Variants in CUX1 observed in about 807,000 individuals in gnomAD.
CUX1 encodes protein CASP.
A neutral mutation model predicts 158.8 loss-of-function variants in CUX1; 31 were observed. That is an observed-to-expected ratio of 0.20 (90% CI 0.15 to 0.26). CUX1 has a LOEUF of 0.26. Ranked by LOEUF, CUX1 falls within the 10% of genes least tolerant of loss-of-function variation. The pLI, the probability that CUX1 is intolerant of heterozygous loss-of-function variation, is 1.00. For synonymous variants in CUX1, 879 were observed against 862.1 expected (o/e 1.02, Z -0.34); for missense variants, 1,589 against 2,014.6 (o/e 0.79, Z 4.04).
Position 102,249,264 on chromosome 7 carries a change from G to A in CUX1, c.*222G>A, listed in dbSNP as rs1285477220. The A allele has an allele frequency of 6.6e-6, 7 of 1,062,086 alleles. No individual in the cohort carries two copies. Among genetic ancestry groups the A allele is most frequent in the South Asian group, 4.5e-5 (1 of 21,990 alleles). 65.8% of individuals were successfully genotyped at this position (1,062,086 alleles called of 1,614,324 possible). A position where few individuals can be genotyped will look rare whatever the true frequency, so the allele number is the denominator to read the frequency against. On this transcript the variant is annotated 3_prime_UTR_variant, in exon 24 of 24. Coordinates refer to ENST00000292535, the MANE Select transcript of CUX1 (RefSeq NM_181552.4). Reference sequence around the variant, plus strand: ...GCGGCCCAGACCCACTCTGCGGCCCGGGCCGACCCTGCGGCCTCCACCAAC... The same window carrying A: ...GCGGCCCAGACCCACTCTGCGGCCCAGGCCGACCCTGCGGCCTCCACCAAC...
At chr7:101,885,827 C>G (rs565999766) in intron 1 of CUX1, among the ~76,000 whole-genome samples, 3 of 152,356 alleles carry the variant, frequency 2.0e-5, no homozygotes, top group Admixed American at 2.0e-4. Flanking sequence ...TCGTTGCACT[C>G]ACGGAATATT....
chr7:102,103,236 A>G (rs1290386856), intron 5 of CUX1, among the ~76,000 whole-genome samples: 3 of 152,096 alleles, frequency 2.0e-5, no homozygotes, highest in Non-Finnish European at 4.4e-5. Context: ...CACACAGCCC[A>G]TGACCACCAG....
Position 102,252,459 on chromosome 7 carries a change from T to C in CUX1, c.*3417T>C. On this transcript the variant is annotated 3_prime_UTR_variant, in exon 24 of 24. Transcript: ENST00000292535. ...CTCTCCCCTGGGGGAAACGGTTCCATATAAAACACTAACACTTAATTACAA... is the reference window on the plus strand; with the variant it reads ...CTCTCCCCTGGGGGAAACGGTTCCACATAAAACACTAACACTTAATTACAA... The C allele has an allele frequency of 2.0e-6, 2 of 985,446 alleles. No individual in the cohort carries two copies. The highest frequency in any genetic ancestry group is 4.7e-5 in the South Asian group (1 of 21,290). 61.0% of individuals were successfully genotyped at this position (985,446 alleles called of 1,614,324 possible).
Position 102,159,848 on chromosome 7 carries a change from C to CA in CUX1, c.723+1247dup, listed in dbSNP as rs1457163853. The stretch of plus-strand genomic sequence containing the variant: ...GGGCAACAGAGCAGAAACTCCATCT[C>CA]AAAAAAATACAAAATAAAATTTAAA... On this transcript the variant is annotated intron_variant, in intron 9 of 23. Coordinates refer to ENST00000292535, the MANE Select transcript of CUX1 (RefSeq NM_181552.4). 2.0e-5 allele frequency among the ~76,000 whole-genome samples: 3 copies of CA among 151,146 alleles called. No individual in the cohort carries two copies. In the East Asian group the frequency reaches 5.8e-4, roughly 29 times the overall value.
chr7:101,942,478 T>A (rs1807836410), intron 2 of CUX1, among the ~76,000 whole-genome samples: 1 of 152,206 alleles, frequency 6.6e-6, no homozygotes, highest in Non-Finnish European at 1.5e-5. Flanking sequence ...TTTTGTTGAT[T>A]TTGAGACAGG....
chr7:102,002,568 C>T (rs1816807963), intron 2 of CUX1, among the ~76,000 whole-genome samples: 1 of 152,228 alleles, frequency 6.6e-6, no homozygotes, highest in African/African-American at 2.4e-5. Flanking sequence ...CCAGTCCCCT[C>T]CCTGCCCTGG....
chr7:101,928,451 A>C (rs1262366608), intron 2 of CUX1, among the ~76,000 whole-genome samples: 1 of 149,480 alleles, frequency 6.7e-6, no homozygotes. Flanking sequence ...GCTCACTGCA[A>C]CCTCTGCCTC....
At chr7:102,259,756 AAG>A (rs782492179), downstream of CUX1, among the ~76,000 whole-genome samples, 2,589 of 22,544 alleles carry the variant, frequency 0.11, 46 homozygotes, top group Non-Finnish European at 0.19. Context: ...AAAAAAAAAA[AAG>A]AAAGAAAAGA....
At chr7:102,279,704 C>G (rs1174275942) in intron 18 of CUX1, among the ~76,000 whole-genome samples, 1 of 152,200 alleles carries the variant, frequency 6.6e-6, no homozygotes, top group African/African-American at 2.4e-5. Context: ...TCTCCTCTCC[C>G]AGCTGCCTGC....
intron 20 of CUX1, among the ~76,000 whole-genome samples, chr7:102,216,621 A>ACC (rs1328362828): frequency 5.6e-5 from 4 of 71,722 alleles, no homozygotes; most frequent in Admixed American, 4.7e-4. Context: ...CACACTCCCC[A>ACC]CACACACACC....
At chr7:101,845,416 G>C (rs895564702) in intron 1 of CUX1, among the ~76,000 whole-genome samples, 1 of 152,184 alleles carries the variant, frequency 6.6e-6, no homozygotes, top group South Asian at 2.1e-4. Flanking sequence ...ATTGGCGATT[G>C]TTGAGACAGG....
At chr7:101,830,579 T>G (rs1020918390) in intron 1 of CUX1, among the ~76,000 whole-genome samples, 7 of 151,734 alleles carry the variant, frequency 4.6e-5, no homozygotes. Context: ...CAGCCTCCTT[T>G]GTAGCTGGGA....
chr7:101,841,083 C>T (rs1054578124), intron 1 of CUX1, among the ~76,000 whole-genome samples: 9 of 151,804 alleles, frequency 5.9e-5, no homozygotes, highest in Middle Eastern at 3.4e-3. Context: ...TTAATAGAGA[C>T]GGGGTTTCAC....
In CUX1 at chr7:102,188,236, A is replaced by T. The variant is rs1297627; in HGVS notation, c.1018-1577A>T. On this transcript the variant is annotated intron_variant, in intron 11 of 23. Coordinates refer to ENST00000292535, the MANE Select transcript of CUX1 (RefSeq NM_181552.4). ...AAAAAGAAGAAGAAGAACAAGAAGC[A>T]TAATACCTAGAAACCCTGTAGAGGG... 2.0e-5 allele frequency among the ~76,000 whole-genome samples: 3 copies of T among 152,098 alleles called. No homozygotes were observed. In the East Asian group the frequency reaches 5.8e-4, roughly 29 times the overall value.
chr7:102,158,685 C>G, intron 9 of CUX1, 77 bp downstream of exon 9: 1 of 1,415,100 alleles, frequency 7.1e-7, no homozygotes, highest in Non-Finnish European at 1.0e-6. Flanking sequence ...ATGCGTCACC[C>G]GAAGTTAGAA....
intron 1 of CUX1, among the ~76,000 whole-genome samples, chr7:101,848,936 G>A (rs1256548031): frequency 6.7e-6 from 1 of 150,214 alleles, no homozygotes; most frequent in Non-Finnish European, 1.5e-5. Context: ...TGACTGTCTG[G>A]AGAGCTTGGG....
At chr7:102,273,795 TC>T (rs535926563) in intron 15 of CUX1, among the ~76,000 whole-genome samples, 79 of 152,302 alleles carry the variant, frequency 5.2e-4, no homozygotes, top group African/African-American at 1.8e-3. Context: ...TGCACCCATC[TC>T]CCAGCTAAAG....
chr7:101,832,185 C>T (rs1314456841), intron 1 of CUX1, among the ~76,000 whole-genome samples: 1 of 152,080 alleles, frequency 6.6e-6, no homozygotes, highest in Non-Finnish European at 1.5e-5. Flanking sequence ...GTGGTCATGG[C>T]CCAGTGAGAG....
chr7:102,280,993 C>T, intron 20 of CUX1: 1 of 757,136 alleles, frequency 1.3e-6, no homozygotes, highest in Non-Finnish European at 2.2e-6. Flanking sequence ...TGATCTGGGA[C>T]AGGGTCTCTC....
Sources: gnomAD v4.1 joint callset for allele counts (sites outside exome capture counted in the v4.1 genomes callset) on GRCh38, gnomAD v4.1.1 for gene constraint, MANE v1.5 for transcripts, NCBI Gene and HGNC (gene_info 2026-07-23, HGNC 2026-07-21) for gene names.